The following CELA2A variants were observed in gnomAD, a reference collection of about 807,000 sequenced individuals.
CELA2A encodes the protein chymotrypsin-like elastase family member 2A.
CELA2A carries 31 observed loss-of-function variants against 35.3 expected under a neutral mutation model. The ratio of observed to expected loss-of-function variants is 0.88; its 90% CI spans 0.66 to 1.19. CELA2A has a LOEUF of 1.19. Ranked by LOEUF, CELA2A falls within the 50% of genes most tolerant of loss-of-function variation. The pLI is 0.00. For missense variants in CELA2A, 330 were observed against 352.9 expected (o/e 0.94, Z 0.52); for synonymous variants, 150 against 149.8 (o/e 1.00, Z -0.01).
At chr1:15,465,259 C>A (rs1303716100) in intron 5 of CELA2A, among the ~76,000 whole-genome samples, 1 of 152,052 alleles carries the variant, frequency 6.6e-6, no homozygotes, top group Non-Finnish European at 1.5e-5. Context: ...GATCTGCCCA[C>A]CTTGGCCTCC....
intron 5 of CELA2A, chr1:15,465,778 C>A (rs1396596496): frequency 2.8e-5 from 16 of 571,888 alleles, no homozygotes; most frequent in Non-Finnish European, 4.7e-5. Flanking sequence ...ATCTCATAGA[C>A]CCCATCTCAG....
At chr1:15,466,435 G>A (rs1446328675) in intron 6 of CELA2A, among the ~76,000 whole-genome samples, 4 of 151,892 alleles carry the variant, frequency 2.6e-5, no homozygotes, top group South Asian at 2.1e-4. Flanking sequence ...GGTGGCAGGC[G>A]CCTGTACTCA....
At chr1:15,463,273 G>A in intron 4 of CELA2A, 113 bp from the exon 5 acceptor site, 1 of 1,527,732 alleles carries the variant, frequency 6.5e-7, no homozygotes, top group South Asian at 1.2e-5. Flanking sequence ...GCCAGTCAGA[G>A]CAACCTGGGG....
At chr1:15,463,567 T>C (rs780041646) in intron 5 of CELA2A, 45 bp downstream of exon 5, 6 of 1,611,844 alleles carry the variant, frequency 3.7e-6, no homozygotes, top group Non-Finnish European at 5.1e-6. Flanking sequence ...GGAAGGGAGG[T>C]GATTCACGTC....
intron 7 of CELA2A, among the ~76,000 whole-genome samples, chr1:15,470,407 A>G (rs1280649926): frequency 6.6e-6 from 1 of 152,178 alleles, no homozygotes; most frequent in Non-Finnish European, 1.5e-5. Flanking sequence ...ACAAATGTCC[A>G]TTGAATGACA....
chr1:15,470,053 C>T (rs1195522406), intron 7 of CELA2A, among the ~76,000 whole-genome samples: 3 of 152,174 alleles, frequency 2.0e-5, no homozygotes, highest in African/African-American at 4.8e-5. Flanking sequence ...CGGGGCAGCA[C>T]GCCTCGCAAG....
intron 2 of CELA2A, among the ~76,000 whole-genome samples, chr1:15,458,478 C>T (rs776891072): frequency 6.6e-6 from 1 of 152,162 alleles, no homozygotes; most frequent in Non-Finnish European, 1.5e-5. Context: ...GGAGCAAACC[C>T]AGCTGAATCA....
chr1:15,469,419 G>A (rs1433144225), intron 7 of CELA2A, among the ~76,000 whole-genome samples: 4 of 152,272 alleles, frequency 2.6e-5, no homozygotes, highest in Admixed American at 6.5e-5. Flanking sequence ...GGGAAAGCTG[G>A]CATCTGACTT....
At chr1:15,463,582 C>G (rs1251423317) in intron 5 of CELA2A, 60 bp downstream of exon 5, 8 of 1,609,698 alleles carry the variant, frequency 5.0e-6, no homozygotes, top group Non-Finnish European at 6.8e-6. Context: ...CACGTCACCC[C>G]TGTCTGGCCG....
rs1249648802 is a variant in CELA2A at position 15,461,594 on chromosome 1, T to C, written c.163T>C (p.Tyr55His). The part of the protein sequence containing the change: ...SLQYSSNGKW[Y>H]HTCGGSLIAN... Reference sequence around the variant, plus strand: ...GCAGTACAGCTCCAATGGCAAGTGGTACCACACCTGCGGAGGGTCCCTGAT... The same window carrying C: ...GCAGTACAGCTCCAATGGCAAGTGGCACCACACCTGCGGAGGGTCCCTGAT... The change falls in exon 3 of 8, where the codon TAC (tyrosine) becomes CAC (histidine). Residue 55 changes from tyrosine to histidine, a missense_variant. Physicochemically the swap from Tyr to His is moderately conservative, Grantham distance 83. Transcript: ENST00000359621. The C allele has an allele frequency of 1.1e-5, 17 of 1,612,530 alleles. No homozygotes were observed. The highest frequency in any genetic ancestry group is 1.4e-5 in the Non-Finnish European group (17 of 1,179,990).
Position 15,456,815 on chromosome 1 carries a change from C to G in CELA2A, c.40+22C>G, listed in dbSNP as rs746911688. On this transcript the variant is annotated intron_variant, in intron 1 of 7. Coordinates refer to ENST00000359621, the MANE Select transcript of CELA2A (RefSeq NM_033440.3). ...GGAGGTAAGTCCTGTTACCCAGAGG[C>G]ACTGGTTTCCCATGCCCTGGTGGGG... is the stretch of plus-strand genomic sequence containing the variant. 5.6e-6 allele frequency: 9 copies of G among 1,614,126 alleles called. No homozygotes were observed. In the East Asian group the frequency reaches 2.0e-4, roughly 36 times the overall value.
Position 15,461,742 on chromosome 1 carries a change from C to T in CELA2A, c.227+84C>T, listed in dbSNP as rs1400392741. On this transcript the variant is annotated intron_variant, in intron 3 of 7. Coordinates refer to ENST00000359621, the MANE Select transcript of CELA2A (RefSeq NM_033440.3). ...GGGGGCTCAAATGGCCTGAACCATG[C>T]TACATAAAGCAGCCTTGCAAATAAC... is the stretch of plus-strand genomic sequence containing the variant. The T allele has an allele frequency of 1.2e-5, 18 of 1,495,074 alleles. No individual in the cohort carries two copies. The Admixed American group carries it at 2.9e-4, about 24-fold the overall frequency. The allele number at this position is 1,495,074 out of a possible 1,614,324, so 92.6% of individuals were successfully genotyped here. A position where few individuals can be genotyped will look rare whatever the true frequency, so the allele number is the denominator to read the frequency against.
intron 2 of CELA2A, among the ~76,000 whole-genome samples, chr1:15,459,993 A>G (rs1708412478): frequency 2.0e-5 from 3 of 152,018 alleles, no homozygotes; most frequent in Admixed American, 6.6e-5. Context: ...TCACTAACGA[A>G]GATGAATGAT....
At chr1:15,461,717 G>A (rs1208008809) in intron 3 of CELA2A, 59 bp downstream of exon 3, 3 of 1,595,934 alleles carry the variant, frequency 1.9e-6, no homozygotes, top group African/African-American at 2.7e-5. Flanking sequence ...TTTCTGAGCT[G>A]GGGGCTCAAA....
At chr1:15,471,710 G>C (rs1708596111) in intron 7 of CELA2A, among the ~76,000 whole-genome samples, 1 of 152,108 alleles carries the variant, frequency 6.6e-6, no homozygotes, top group African/African-American at 2.4e-5. Context: ...CCACACATTT[G>C]GAATATAATT....
At chr1:15,465,927 A>T in intron 5 of CELA2A, 72 bp from the exon 6 acceptor site, 1 of 1,565,392 alleles carries the variant, frequency 6.4e-7, no homozygotes, top group Non-Finnish European at 8.8e-7. Flanking sequence ...GGGGAAACCT[A>T]AGACGGGTCC....
At chr1:15,462,004 G>A in intron 3 of CELA2A, 2 of 515,156 alleles carry the variant, frequency 3.9e-6, no homozygotes, top group Non-Finnish European at 7.7e-6. Context: ...ACCATCACCT[G>A]CAGAAAAATG....
At chr1:15,462,293 T>C (rs946840218) in intron 3 of CELA2A, 3 of 462,642 alleles carry the variant, frequency 6.5e-6, no homozygotes, top group South Asian at 1.6e-5. Flanking sequence ...GGGAAAATAA[T>C]AGAGGCCTAC....
chr1:15,459,450 C>T lies in CELA2A; in HGVS notation c.130-2111C>T, dbSNP rs115088667. Among the ~76,000 whole-genome samples, 1,163 of 152,214 alleles carry T rather than the reference C, an allele frequency of 7.6e-3. 18 individuals carry two copies. Among genetic ancestry groups the T allele is most frequent in the African/African-American group, 0.027 (1,114 of 41,518 alleles). On this transcript the variant is annotated intron_variant, in intron 2 of 7. Transcript: ENST00000359621. ...AAGTGCTGGGATCACAGGCGTGAGC[C>T]TCTCAACCCAGCCTCACAATTTATA... is the stretch of plus-strand genomic sequence containing the variant.
Sources: gnomAD v4.1 joint callset for allele counts (sites outside exome capture counted in the v4.1 genomes callset) on GRCh38, gnomAD v4.1.1 for gene constraint, MANE v1.5 for transcripts, NCBI Gene and HGNC (gene_info 2026-07-23, HGNC 2026-07-21) for gene names.